Variants in HDAC9 observed in about 807,000 individuals in gnomAD.
HDAC9 encodes the protein MEF-2 interacting transcription repressor (MITR) protein.
A neutral mutation model predicts 139.4 loss-of-function variants in HDAC9; 41 were observed. That is an observed-to-expected ratio of 0.29 (90% CI 0.23 to 0.38). The LOEUF is 0.38. Among genes scored for constraint, HDAC9 ranks in the 10% least tolerant of loss-of-function variants. The probability of loss-of-function intolerance (pLI) is 1.00; values close to 1 mark genes in which losing one functional copy is unlikely to be tolerated. For missense variants in HDAC9, 1,147 were observed against 1,297.0 expected, an observed-to-expected ratio of 0.88 and a Z score of 1.78; for synonymous variants, 517 against 476.2, an observed-to-expected ratio of 1.09 and a Z score of -1.12.
chr7:18,973,188 G>T (rs2107596), intron 24 of HDAC9, among the ~76,000 whole-genome samples: 112,229 of 152,054 alleles, frequency 0.74, 41,860 homozygotes, highest in African/African-American at 0.85. Flanking sequence ...TAGAAACACC[G>T]AGCACAGTCT....
intron 23 of HDAC9, among the ~76,000 whole-genome samples, chr7:18,946,036 C>CAAAATAAAA (rs1563077235): frequency 1.3e-3 from 48 of 38,276 alleles, no homozygotes; most frequent in South Asian, 7.5e-3. Flanking sequence ...GACTCCGTCT[C>CAAAATAAAA]AAAAAAAAAA....
intron 1 of HDAC9, among the ~76,000 whole-genome samples, chr7:18,443,943 T>G (rs183304109): frequency 6.6e-6 from 1 of 151,800 alleles, no homozygotes; most frequent in African/African-American, 2.4e-5. Flanking sequence ...TATATATGTA[T>G]GTATGTATGT....
chr7:18,979,966 C>T (rs915943559), intron 25 of HDAC9, among the ~76,000 whole-genome samples: 3 of 152,154 alleles, frequency 2.0e-5, no homozygotes, highest in Non-Finnish European at 1.5e-5. Flanking sequence ...AACATTTATC[C>T]AAACTATATT....
Position 18,649,460 on chromosome 7 carries a change from T to C in HDAC9, c.1467+777T>C, listed in dbSNP as rs952184352. Among the ~76,000 whole-genome samples the C allele has an allele frequency of 2.0e-5, 3 of 152,168 alleles. No individual in the cohort carries two copies. The East Asian group carries it at 5.8e-4, about 29-fold the overall frequency. Reference sequence around the variant, plus strand: ...AAATTCCTGGAAAATATTAAGGTCCTGAGTATTAAAATTCTATTCCCTTGC... The same window carrying C: ...AAATTCCTGGAAAATATTAAGGTCCCGAGTATTAAAATTCTATTCCCTTGC... On this transcript the variant is annotated intron_variant, in intron 11 of 25. Transcript: ENST00000686413.
chr7:18,326,825 G>A (rs1194790549), intron 1 of HDAC9, among the ~76,000 whole-genome samples: 1 of 151,878 alleles, frequency 6.6e-6, no homozygotes, highest in African/African-American at 2.4e-5. Flanking sequence ...GCAGAAATCC[G>A]AGGTCTTCAG....
At chr7:18,911,842 C>T (rs138253077) in intron 22 of HDAC9, among the ~76,000 whole-genome samples, 1 of 151,650 alleles carries the variant, frequency 6.6e-6, no homozygotes, top group Non-Finnish European at 1.5e-5. Flanking sequence ...AATTTTATTC[C>T]ATTGTGGTCA....
chr7:18,971,210 G>A (rs1784224518), intron 24 of HDAC9, among the ~76,000 whole-genome samples: 1 of 152,168 alleles, frequency 6.6e-6, no homozygotes, highest in Admixed American at 6.5e-5. Flanking sequence ...AACACAGAAT[G>A]GTGAAGGCTG....
intron 8 of HDAC9, among the ~76,000 whole-genome samples, chr7:18,639,185 A>G (rs779662589): frequency 2.6e-5 from 4 of 152,050 alleles, no homozygotes; most frequent in Admixed American, 1.3e-4. Flanking sequence ...TTTTGCCCCA[A>G]TCTCACATGA....
intron 21 of HDAC9, among the ~76,000 whole-genome samples, chr7:18,850,657 T>G (rs940879430): frequency 6.6e-6 from 1 of 152,194 alleles, no homozygotes; most frequent in African/African-American, 2.4e-5. Context: ...TCGCCATTAA[T>G]TCAAAATGGG....
chr7:18,536,709 G>T (rs1811027180), intron 2 of HDAC9, among the ~76,000 whole-genome samples: 1 of 152,058 alleles, frequency 6.6e-6, no homozygotes, highest in Admixed American at 6.5e-5. Context: ...GAGCTCTTGG[G>T]TTAAGGAAAA....
chr7:18,172,297 C>A (rs1584452845), intron 2 of HDAC9, among the ~76,000 whole-genome samples: 2 of 152,198 alleles, frequency 1.3e-5, no homozygotes, highest in South Asian at 4.2e-4. Context: ...GTGGTGATAT[C>A]CCCTTAATCA....
intron 1 of HDAC9, among the ~76,000 whole-genome samples, chr7:18,314,602 A>G (rs550230000): frequency 1.8e-4 from 27 of 152,262 alleles, no homozygotes; most frequent in African/African-American, 6.5e-4. Context: ...CATTGTTCTT[A>G]TATGTTCAGT....
chr7:18,137,536 G>A (rs1248686347), intron 1 of HDAC9, among the ~76,000 whole-genome samples: 1 of 151,872 alleles, frequency 6.6e-6, no homozygotes, highest in Non-Finnish European at 1.5e-5. Flanking sequence ...TTTTGTCAAA[G>A]GCCTTTTCTG....
intron 1 of HDAC9, among the ~76,000 whole-genome samples, chr7:18,445,133 C>A (rs1209497904): frequency 3.9e-5 from 6 of 152,124 alleles, no homozygotes; most frequent in Non-Finnish European, 8.8e-5. Flanking sequence ...TTCACAGCTG[C>A]AGAAAATTGA....
rs937110852 is a variant in HDAC9, at chr7:18,363,586, G to A, written c.-42+73071G>A. Among the ~76,000 whole-genome samples the A allele has an allele frequency of 3.3e-5, 5 of 152,150 alleles. No homozygotes were observed. In the East Asian group the frequency reaches 9.6e-4, roughly 29 times the overall value. ...AAGTTAGACTTGATTTTGAAGTGCTGTTATTGATTCACTAAGAACCACTAA... is the reference window on the plus strand; with the variant it reads ...AAGTTAGACTTGATTTTGAAGTGCTATTATTGATTCACTAAGAACCACTAA... On this transcript the variant is annotated intron_variant, in intron 1 of 3. Transcript: ENST00000413509.
chr7:18,908,350 A>G (rs1802456987), intron 22 of HDAC9, among the ~76,000 whole-genome samples: 1 of 152,154 alleles, frequency 6.6e-6, no homozygotes, highest in South Asian at 2.1e-4. Flanking sequence ...TTATTAAATT[A>G]ACATATCCAT....
chr7:18,451,453 GTA>G (rs1008433370), intron 1 of HDAC9, among the ~76,000 whole-genome samples: 2 of 148,240 alleles, frequency 1.3e-5, no homozygotes, highest in African/African-American at 5.0e-5. Context: ...GTGTGTATAT[GTA>G]TATATATATG....
intron 22 of HDAC9, among the ~76,000 whole-genome samples, chr7:18,905,205 C>G (rs774483365): frequency 6.6e-6 from 1 of 152,204 alleles, no homozygotes; most frequent in Non-Finnish European, 1.5e-5. Context: ...CTCCCCATTT[C>G]TTGTTAACCA....
chr7:18,148,864 C>A (rs1786542022), intron 1 of HDAC9, among the ~76,000 whole-genome samples: 1 of 152,154 alleles, frequency 6.6e-6, no homozygotes, highest in Non-Finnish European at 1.5e-5. Context: ...CTAAATTCTA[C>A]CTGCAACCTT....
Sources: gnomAD v4.1 joint callset for allele counts (sites outside exome capture counted in the v4.1 genomes callset) on GRCh38, gnomAD v4.1.1 for gene constraint, MANE v1.5 for transcripts, NCBI Gene and HGNC (gene_info 2026-07-23, HGNC 2026-07-21) for gene names.